SGTA: variants seen among roughly 807,000 people sequenced by gnomAD.
SGTA encodes small glutamine-rich tetratricopeptide repeat-containing protein alpha.
Under a neutral mutation model 44.3 loss-of-function variants are expected in SGTA, and 22 were observed. The ratio of observed to expected loss-of-function variants is 0.50; its 90% CI spans 0.36 to 0.71. SGTA has a LOEUF of 0.71. Among genes scored for constraint, SGTA ranks in the 30% least tolerant of loss-of-function variants. SGTA has a pLI of 0.00. For synonymous variants in SGTA, 174 were observed against 177.6 expected, an observed-to-expected ratio of 0.98 and a Z score of 0.16; for missense variants, 341 against 435.9, an observed-to-expected ratio of 0.78 and a Z score of 1.94.
rs749511621 is a variant in SGTA, at chr19:2,763,626, AAGGCGCGGCCGTGGAC to A, written c.497+11_497+26del. 6 of 1,534,526 alleles carry A rather than the reference AAGGCGCGGCCGTGGAC, an allele frequency of 3.9e-6. No individual in the cohort carries two copies. The South Asian group carries it at 6.8e-5, about 17-fold the overall frequency. On this transcript the variant is annotated intron_variant, in intron 6 of 11. Transcript: ENST00000221566. The surrounding 1 kb of genome is among the most constrained non-coding windows in gnomAD (Gnocchi z 5.8). The stretch of plus-strand genomic sequence containing the variant: ...AGAGGAGGGGTCCCGAGAGACTGGA[AAGGCGCGGCCGTGGAC>A]AGGCACTCACCCCATCCTGCCGTAG...
At chr19:2,766,421 G>GTTTTATT (rs779258756) in intron 4 of SGTA, among the ~76,000 whole-genome samples, 46 of 151,852 alleles carry the variant, frequency 3.0e-4, no homozygotes, top group Admixed American at 5.9e-4. Context: ...TCTTTTTATT[G>GTTTTATT]TTTTATTTTT....
At chr19:2,766,841 C>T (rs562176490) in intron 4 of SGTA, among the ~76,000 whole-genome samples, 42 of 151,964 alleles carry the variant, frequency 2.8e-4, no homozygotes, top group Admixed American at 1.9e-3. Context: ...AGGGTGGAAC[C>T]GGCGGGTCTC....
chr19:2,763,943 A>G lies in SGTA; in HGVS notation c.393-186T>C, dbSNP rs1029099715. ...TGTGGCCACTGAGATGCTCTTAGAC[A>G]AATGTGGGCTCAAAGCACCAGCAGC... On this transcript the variant is annotated intron_variant, in intron 5 of 11. Coordinates refer to ENST00000221566, the MANE Select transcript of SGTA (RefSeq NM_003021.4). This position sits in a 1 kb window ranked among gnomAD's most constrained non-coding sequence, Gnocchi z 5.8. Among the ~76,000 whole-genome samples, 2 of 152,174 alleles carry G rather than the reference A, an allele frequency of 1.3e-5. No homozygotes were observed. Among genetic ancestry groups the G allele is most frequent in the African/African-American group, 4.8e-5 (2 of 41,448 alleles).
Position 2,759,259 on chromosome 19 carries a change from C to T in SGTA, c.735G>A (p.Gln245=). 2 of 1,614,044 alleles carry T rather than the reference C, an allele frequency of 1.2e-6. No individual in the cohort carries two copies. The highest frequency in any genetic ancestry group is 1.7e-6 in the Non-Finnish European group (2 of 1,179,920). Reference sequence around the variant, plus strand: ...GAAGAAACCCGGTTGTCACTTACAGCTGCTGAATCTGGGGATTGTTCATTA... The same window carrying T: ...GAAGAAACCCGGTTGTCACTTACAGTTGCTGAATCTGGGGATTGTTCATTA... ...SNLMNNPQIQ[Q]LMSGMISGGN... is the part of the protein sequence containing the mutation. The change falls in exon 9 of 12, where the codon CAG becomes CAA. Residue 245 remains glutamine (Q), a splice_region_variant and synonymous_variant. Transcript: ENST00000221566.
chr19:2,769,495 C>T (rs113894281), intron 1 of SGTA, among the ~76,000 whole-genome samples: 16 of 152,336 alleles, frequency 1.1e-4, no homozygotes, highest in African/African-American at 3.8e-4. Context: ...CTCCAGAGAA[C>T]GATCCAGCCC....
At chr19:2,780,398 TA>T (rs1206828116) in intron 1 of SGTA, among the ~76,000 whole-genome samples, 2 of 152,104 alleles carry the variant, frequency 1.3e-5, no homozygotes, top group Non-Finnish European at 2.9e-5. Flanking sequence ...TACTTCCTTC[TA>T]AAATGCCACC....
chr19:2,768,634 C>G (rs1915216030), intron 2 of SGTA, among the ~76,000 whole-genome samples: 1 of 152,188 alleles, frequency 6.6e-6, no homozygotes, highest in Non-Finnish European at 1.5e-5. Context: ...TCCCCGTGAC[C>G]GATGGTGACA....
At chr19:2,762,358 G>A (rs1915019969) in intron 7 of SGTA, 148 bp downstream of exon 7, 3 of 745,300 alleles carry the variant, frequency 4.0e-6, no homozygotes, top group Non-Finnish European at 6.6e-6. Flanking sequence ...TCACTTCCAC[G>A]CCTGTGCATC....
At chr19:2,758,249 C>T (rs954754677) in intron 9 of SGTA, among the ~76,000 whole-genome samples, 4 of 152,162 alleles carry the variant, frequency 2.6e-5, no homozygotes, top group Admixed American at 2.6e-4. Flanking sequence ...TGACCGTGGG[C>T]CAGCCGCGGT....
At chr19:2,766,173 G>A (rs1362822134) in intron 4 of SGTA, among the ~76,000 whole-genome samples, 1 of 152,010 alleles carries the variant, frequency 6.6e-6, no homozygotes, top group Admixed American at 6.5e-5. Context: ...CCGAGATCAC[G>A]CCACTGCACT....
In SGTA at chr19:2,767,719, G is replaced by A. The variant is rs1332579204; in HGVS notation, c.101-33C>T. ...GGGGACAGAGGCGGTCCCATTCATT[G>A]CACGCAGCCCCGAGGTTACGTTTTT... On this transcript the variant is annotated intron_variant, in intron 2 of 11. Coordinates refer to ENST00000221566, the MANE Select transcript of SGTA (RefSeq NM_003021.4). This position sits in a 1 kb window ranked among gnomAD's most constrained non-coding sequence, Gnocchi z 7.3. 6.5e-7 allele frequency: 1 copy of A among 1,546,884 alleles called. No homozygotes were observed. The highest frequency in any genetic ancestry group is 8.9e-7 in the Non-Finnish European group (1 of 1,119,510).
In SGTA at chr19:2,777,323, G is replaced by T. The variant is rs894941854; in HGVS notation, c.-24+5910C>A. Among the ~76,000 whole-genome samples the T allele has an allele frequency of 4.0e-5, 6 of 151,482 alleles. No individual in the cohort carries two copies. The East Asian group carries it at 5.8e-4, about 15-fold the overall frequency. On this transcript the variant is annotated intron_variant, in intron 1 of 11. Coordinates refer to ENST00000221566, the MANE Select transcript of SGTA (RefSeq NM_003021.4). ...CAGCAGCACTTCGGGAGGCCAAAGC[G>T]GGGGGATCACTTGAGCATAGGAATT... is the stretch of plus-strand genomic sequence containing the variant.
rs1376523918 is a variant in SGTA, at chr19:2,765,945, G to A, written c.293-660C>T. Among the ~76,000 whole-genome samples the A allele has an allele frequency of 5.3e-5, 8 of 152,328 alleles. No homozygotes were observed. In the South Asian group the frequency reaches 1.0e-3, roughly 20 times the overall value. On this transcript the variant is annotated intron_variant, in intron 4 of 11. Coordinates refer to ENST00000221566, the MANE Select transcript of SGTA (RefSeq NM_003021.4). The surrounding 1 kb of genome is among the most constrained non-coding windows in gnomAD (Gnocchi z 5.5). The stretch of plus-strand genomic sequence containing the variant: ...ACGCTTTAAAAATATAAGCCCGGGC[G>A]CGGTGGCTCATGCTTATAATCCCAG...
chr19:2,779,700 C>T (rs1378087351), intron 1 of SGTA, among the ~76,000 whole-genome samples: 4 of 152,234 alleles, frequency 2.6e-5, no homozygotes, highest in Non-Finnish European at 5.9e-5. Context: ...TTGGGGGCTT[C>T]AGCGTCCCTT....
rs1276741317 is a variant in SGTA at position 2,767,741 on chromosome 19, T to C, written c.101-55A>G. ...ATTGCACGCAGCCCCGAGGTTACGT[T>C]TTTGGGTCTAGAGGGCGGGGTTGGT... On this transcript the variant is annotated intron_variant, in intron 2 of 11. Coordinates refer to ENST00000221566, the MANE Select transcript of SGTA (RefSeq NM_003021.4). This position sits in a 1 kb window ranked among gnomAD's most constrained non-coding sequence, Gnocchi z 7.3. 1 of 1,437,148 alleles carries C rather than the reference T, an allele frequency of 7.0e-7. No homozygotes were observed. The highest frequency in any genetic ancestry group is 1.4e-5 in the African/African-American group (1 of 71,216). 89.0% of individuals were successfully genotyped at this position (1,437,148 alleles called of 1,614,324 possible).
rs1001079662 is a variant in SGTA at position 2,755,626 on chromosome 19, G to A, written c.*314C>T. 1.9e-5 allele frequency: 19 copies of A among 985,530 alleles called. No individual in the cohort carries two copies. In the East Asian group the frequency reaches 3.4e-4, roughly 18 times the overall value. 61.0% of individuals were successfully genotyped at this position (985,530 alleles called of 1,614,324 possible). A position where few individuals can be genotyped will look rare whatever the true frequency, so the allele number is the denominator to read the frequency against. Reference sequence around the variant, plus strand: ...TGAAACCTGCCACTTCTCTGAGAGCGGCCCGGGAGCACCCCAGGATTCTAG... The same window carrying A: ...TGAAACCTGCCACTTCTCTGAGAGCAGCCCGGGAGCACCCCAGGATTCTAG... On this transcript the variant is annotated 3_prime_UTR_variant, in exon 12 of 12. Coordinates refer to ENST00000221566, the MANE Select transcript of SGTA (RefSeq NM_003021.4). The surrounding 1 kb of genome is among the most constrained non-coding windows in gnomAD (Gnocchi z 5.2).
chr19:2,762,707 GC>G, intron 6 of SGTA, 63 bp from the exon 7 acceptor site: 2 of 1,595,048 alleles, frequency 1.3e-6, no homozygotes, highest in Non-Finnish European at 8.6e-7. Context: ...CCCCGCCAAA[GC>G]CCTCGTCCCC....
intron 1 of SGTA, among the ~76,000 whole-genome samples, chr19:2,771,615 G>A (rs996613748): frequency 2.0e-5 from 3 of 146,822 alleles, no homozygotes; most frequent in African/African-American, 7.7e-5. Context: ...CGTGCACAAC[G>A]CTGAGTGAAC....
intron 2 of SGTA, 117 bp downstream of exon 2, chr19:2,768,852 G>T: frequency 1.3e-6 from 1 of 761,518 alleles, no homozygotes; most frequent in Non-Finnish European, 2.2e-6. Context: ...TCTGGGCTTA[G>T]CTTCCACCCC....
Sources: gnomAD v4.1 joint callset for allele counts (sites outside exome capture counted in the v4.1 genomes callset) on GRCh38, gnomAD v4.1.1 for gene constraint, Gnocchi (gnomAD v3.1) non-coding constraint, MANE v1.5 for transcripts, NCBI Gene and HGNC (gene_info 2026-07-23, HGNC 2026-07-21) for gene names.